SLIT3: variants seen among roughly 807,000 people sequenced by gnomAD.
SLIT3 encodes the protein slit guidance ligand 3, also known as slit homolog 3 protein.
SLIT3 carries 68 observed loss-of-function variants against 184.0 expected under a neutral mutation model. That is an observed-to-expected ratio of 0.37 (90% CI 0.30 to 0.45). The LOEUF is 0.45. Among genes scored for constraint, SLIT3 ranks in the 20% least tolerant of loss-of-function variants. The pLI, the probability that SLIT3 is intolerant of heterozygous loss-of-function variation, is 1.00. For missense variants in SLIT3, 1,707 were observed against 2,026.0 expected (o/e 0.84, Z 3.02); for synonymous variants, 831 against 828.6 (o/e 1.00, Z -0.05).
intron 20 of SLIT3, among the ~76,000 whole-genome samples, chr5:168,727,490 A>G (rs1162146998): frequency 1.3e-5 from 2 of 152,176 alleles, no homozygotes; most frequent in African/African-American, 4.8e-5. Context: ...AAGGCAGAGA[A>G]GGCAGGCTGA....
At chr5:169,190,986 T>A (rs914209560) in intron 4 of SLIT3, among the ~76,000 whole-genome samples, 1 of 152,152 alleles carries the variant, frequency 6.6e-6, no homozygotes, top group Non-Finnish European at 1.5e-5. Context: ...TATAGCTGCT[T>A]CAGTAAAAAA....
At chr5:168,797,523 C>T (rs1756610715) in intron 9 of SLIT3, among the ~76,000 whole-genome samples, 1 of 152,220 alleles carries the variant, frequency 6.6e-6, no homozygotes, top group South Asian at 2.1e-4. Flanking sequence ...GCTCTCTATG[C>T]AGTTCCTAAT....
At chr5:169,049,388 C>T (rs1341991249) in intron 4 of SLIT3, among the ~76,000 whole-genome samples, 1 of 152,040 alleles carries the variant, frequency 6.6e-6, no homozygotes, top group Non-Finnish European at 1.5e-5. Context: ...CAGGAATCAA[C>T]CTACATATTT....
chr5:168,852,061 G>A (rs1319108910), intron 5 of SLIT3, among the ~76,000 whole-genome samples: 2 of 152,268 alleles, frequency 1.3e-5, no homozygotes, highest in Non-Finnish European at 1.5e-5. Context: ...TTTACTTGCC[G>A]GCCTTGCTGA....
intron 12 of SLIT3, among the ~76,000 whole-genome samples, chr5:168,785,668 C>T (rs1462543649): frequency 6.6e-6 from 1 of 152,246 alleles, no homozygotes; most frequent in African/African-American, 2.4e-5. Context: ...ATGCCTGGGC[C>T]AGGGCCCTCG....
intron 4 of SLIT3, among the ~76,000 whole-genome samples, chr5:169,110,786 G>T (rs1436665099): frequency 6.6e-6 from 1 of 152,004 alleles, no homozygotes; most frequent in African/African-American, 2.4e-5. Flanking sequence ...TCCCATTTTT[G>T]CAGCGTAGCT....
At chr5:168,819,623 T>A (rs1206934580) in intron 7 of SLIT3, among the ~76,000 whole-genome samples, 4 of 152,232 alleles carry the variant, frequency 2.6e-5, no homozygotes, top group African/African-American at 9.6e-5. Flanking sequence ...TCCCGTCGGT[T>A]CCGATCAAGG....
At chr5:169,096,807 C>T (rs1379855421) in intron 4 of SLIT3, among the ~76,000 whole-genome samples, 1 of 152,186 alleles carries the variant, frequency 6.6e-6, no homozygotes, top group Non-Finnish European at 1.5e-5. Context: ...TCAATTGAAA[C>T]TCAGTGATAT....
chr5:169,182,621 T>C (rs1393782914), intron 4 of SLIT3, among the ~76,000 whole-genome samples: 1 of 152,234 alleles, frequency 6.6e-6, no homozygotes, highest in Non-Finnish European at 1.5e-5. Context: ...TTTAGAAATG[T>C]TTCTGTTGAT....
intron 3 of SLIT3, among the ~76,000 whole-genome samples, chr5:169,238,623 G>A (rs1244676696): frequency 7.2e-6 from 1 of 138,212 alleles, no homozygotes; most frequent in Non-Finnish European, 1.5e-5. Context: ...ACATGGCCTT[G>A]TATTTTCCAA....
At chr5:168,950,643 A>G (rs958503998) in intron 4 of SLIT3, among the ~76,000 whole-genome samples, 14 of 152,248 alleles carry the variant, frequency 9.2e-5, no homozygotes, top group African/African-American at 3.4e-4. Flanking sequence ...TTCCCAGGCC[A>G]TAGTTTGCTG....
intron 4 of SLIT3, among the ~76,000 whole-genome samples, chr5:168,917,074 T>C (rs1050998718): frequency 3.9e-5 from 6 of 152,160 alleles, no homozygotes; most frequent in Non-Finnish European, 8.8e-5. Flanking sequence ...AATGAAGGGA[T>C]TGCTAAATAG....
chr5:168,711,234 C>T (rs1391968945), intron 24 of SLIT3, among the ~76,000 whole-genome samples, 176 bp from the exon 25 acceptor site: 6 of 152,182 alleles, frequency 3.9e-5, no homozygotes, highest in Non-Finnish European at 8.8e-5. Flanking sequence ...AGTGTACTTC[C>T]AATCCTGTGG....
At chr5:168,875,515 T>C (rs868849358) in intron 5 of SLIT3, among the ~76,000 whole-genome samples, 11 of 151,876 alleles carry the variant, frequency 7.2e-5, no homozygotes, top group South Asian at 2.1e-4. Context: ...GCACCGGTAA[T>C]CCCAGTTACT....
chr5:169,140,308 C>CAAAA lies in SLIT3; in HGVS notation c.413+53167_413+53170dup, dbSNP rs10536624. 1.5e-3 allele frequency among the ~76,000 whole-genome samples: 64 copies of CAAAA among 42,042 alleles called. 13 individuals are homozygous for CAAAA. Among genetic ancestry groups the CAAAA allele is most frequent in the African/African-American group, 4.7e-3 (50 of 10,530 alleles). 27.6% of individuals were successfully genotyped at this position (42,042 alleles called of 152,430 possible). A position where few individuals can be genotyped will look rare whatever the true frequency, so the allele number is the denominator to read the frequency against. On this transcript the variant is annotated intron_variant, in intron 4 of 35. Coordinates refer to ENST00000519560, the MANE Select transcript of SLIT3 (RefSeq NM_003062.4). The stretch of plus-strand genomic sequence containing the variant: ...TAAAACCCCGCCTCTACTAAAAATG[C>CAAAA]AAAAAAAAAAAAAAAAAAAAAAAAA...
At chr5:169,172,447 T>C (rs986877130) in intron 4 of SLIT3, among the ~76,000 whole-genome samples, 2 of 152,236 alleles carry the variant, frequency 1.3e-5, no homozygotes, top group Admixed American at 6.5e-5. Context: ...GCTGCGTATA[T>C]ACTTTCACAT....
intron 14 of SLIT3, among the ~76,000 whole-genome samples, chr5:168,768,708 A>T (rs1195857041): frequency 6.6e-6 from 1 of 152,182 alleles, no homozygotes; most frequent in East Asian, 1.9e-4. Flanking sequence ...CTAGCCCCTT[A>T]AGTCAAGAGA....
intron 4 of SLIT3, among the ~76,000 whole-genome samples, chr5:169,187,513 T>C (rs923497221): frequency 6.6e-6 from 1 of 152,020 alleles, no homozygotes; most frequent in Non-Finnish European, 1.5e-5. Flanking sequence ...CTCATCCTTA[T>C]AGGGCAAGGA....
intron 32 of SLIT3, among the ~76,000 whole-genome samples, chr5:168,678,792 T>C (rs1379921411): frequency 1.3e-5 from 2 of 151,838 alleles, no homozygotes; most frequent in Non-Finnish European, 2.9e-5. Context: ...AAGGAAAAAA[T>C]AGTAACAACC....
Sources: gnomAD v4.1 joint callset for allele counts (sites outside exome capture counted in the v4.1 genomes callset) on GRCh38, gnomAD v4.1.1 for gene constraint, MANE v1.5 for transcripts, NCBI Gene and HGNC (gene_info 2026-07-23, HGNC 2026-07-21) for gene names.